The following SLC25A21 variants were observed in gnomAD, a reference collection of about 807,000 sequenced individuals.
SLC25A21 encodes the protein mitochondrial 2-oxodicarboxylate carrier.
A neutral mutation model predicts 43.8 loss-of-function variants in SLC25A21; 47 were observed. The ratio of observed to expected loss-of-function variants is 1.07; its 90% CI spans 0.85 to 1.37. The LOEUF (loss-of-function observed/expected upper bound fraction) is 1.37. Ranked by LOEUF, SLC25A21 falls within the 40% of genes most tolerant of loss-of-function variation. The pLI, the probability that SLC25A21 is intolerant of heterozygous loss-of-function variation, is 0.00. For missense variants in SLC25A21, 352 were observed against 350.2 expected (o/e 1.00, Z -0.04); for synonymous variants, 131 against 121.3 (o/e 1.08, Z -0.52).
intron 6 of SLC25A21, among the ~76,000 whole-genome samples, chr14:36,723,709 C>A (rs1403949748): frequency 6.6e-6 from 1 of 152,180 alleles, no homozygotes; most frequent in Admixed American, 6.5e-5. Context: ...CTTACTTGGC[C>A]TCAGTGCAGA....
chr14:37,103,229 G>T (rs901642957), intron 1 of SLC25A21, among the ~76,000 whole-genome samples: 2 of 152,120 alleles, frequency 1.3e-5, no homozygotes, highest in East Asian at 1.9e-4. Context: ...GCAGAGAAAA[G>T]ATTTGCATAT....
chr14:37,076,242 C>T (rs1050470408), intron 1 of SLC25A21, among the ~76,000 whole-genome samples: 2 of 151,998 alleles, frequency 1.3e-5, no homozygotes, highest in East Asian at 3.9e-4. Context: ...CTCACTGCAA[C>T]CTCCACGTTC....
At chr14:36,942,429 G>A (rs1892585031) in intron 1 of SLC25A21, among the ~76,000 whole-genome samples, 1 of 152,166 alleles carries the variant, frequency 6.6e-6, no homozygotes, top group South Asian at 2.1e-4. Context: ...ACGGCGGTAG[G>A]ACAGTTGTCT....
At chr14:36,871,321 C>G (rs994999387) in intron 2 of SLC25A21, among the ~76,000 whole-genome samples, 1 of 152,100 alleles carries the variant, frequency 6.6e-6, no homozygotes, top group Non-Finnish European at 1.5e-5. Flanking sequence ...GGAAACAGGC[C>G]GTTACCAGAC....
At chr14:36,977,523 C>T (rs1477841158) in intron 1 of SLC25A21, among the ~76,000 whole-genome samples, 1 of 152,148 alleles carries the variant, frequency 6.6e-6, no homozygotes, top group Non-Finnish European at 1.5e-5. Context: ...GGAATCACTG[C>T]CATGGCCTCC....
rs1264677510 is a variant in SLC25A21 at position 37,127,368 on chromosome 14, T to C, written c.70+44913A>G. On this transcript the variant is annotated intron_variant, in intron 1 of 9. Coordinates refer to ENST00000331299, the MANE Select transcript of SLC25A21 (RefSeq NM_030631.4). The stretch of plus-strand genomic sequence containing the variant: ...ATCAGCTGCCTCTACGAAAAGATGA[T>C]AGATACCTATGCAGGTACCTACCAT... 3.3e-5 allele frequency among the ~76,000 whole-genome samples: 5 copies of C among 152,218 alleles called. No individual in the cohort carries two copies. The East Asian group carries it at 5.8e-4, about 18-fold the overall frequency.
intron 2 of SLC25A21, among the ~76,000 whole-genome samples, chr14:36,816,686 T>C (rs1888467915): frequency 6.6e-6 from 1 of 151,990 alleles, no homozygotes; most frequent in African/African-American, 2.4e-5. Context: ...TTTTTTTCTG[T>C]AGAGGTGGCG....
chr14:36,701,381 G>C (rs1442944417), intron 7 of SLC25A21, among the ~76,000 whole-genome samples: 1 of 152,162 alleles, frequency 6.6e-6, no homozygotes, highest in African/African-American at 2.4e-5. Flanking sequence ...AAGGAATGTG[G>C]AGTATTCCTA....
chr14:36,901,709 T>A lies in SLC25A21; in HGVS notation c.71-26705A>T, dbSNP rs571142079. On this transcript the variant is annotated intron_variant, in intron 1 of 9. Transcript: ENST00000331299. Reference sequence around the variant, plus strand: ...ATTTGCAGTACTTAAACTGAATCCATAATATAGAATTCTGCTTTAAAACCT... The same window carrying A: ...ATTTGCAGTACTTAAACTGAATCCAAAATATAGAATTCTGCTTTAAAACCT... Among the ~76,000 whole-genome samples the A allele has an allele frequency of 2.6e-4, 40 of 152,296 alleles. 1 individual carries two copies. The highest frequency in any genetic ancestry group is 1.9e-3 in the South Asian group (9 of 4,830).
chr14:36,997,427 A>C (rs1960395345), intron 1 of SLC25A21, among the ~76,000 whole-genome samples: 1 of 152,194 alleles, frequency 6.6e-6, no homozygotes, highest in African/African-American at 2.4e-5. Flanking sequence ...GGGCAGCTGA[A>C]TGTGGCAATA....
chr14:36,741,918 A>G (rs547203754), intron 3 of SLC25A21, among the ~76,000 whole-genome samples: 6 of 152,358 alleles, frequency 3.9e-5, no homozygotes, highest in African/African-American at 1.4e-4. Flanking sequence ...TTCAACAGCC[A>G]GAACCCAAAT....
chr14:36,872,156 T>C (rs1313716349), intron 2 of SLC25A21, among the ~76,000 whole-genome samples: 1 of 152,186 alleles, frequency 6.6e-6, no homozygotes, highest in African/African-American at 2.4e-5. Flanking sequence ...TATTATTACT[T>C]AAGGAGAAGT....
intron 1 of SLC25A21, among the ~76,000 whole-genome samples, chr14:36,928,700 C>T (rs932530912): frequency 1.3e-5 from 2 of 152,100 alleles, no homozygotes; most frequent in African/African-American, 2.4e-5. Flanking sequence ...CTCAGCTAAA[C>T]GTTTTCAAAT....
intron 1 of SLC25A21, among the ~76,000 whole-genome samples, chr14:37,161,261 G>A (rs12883794): frequency 0.39 from 59,959 of 151,896 alleles, 12,724 homozygotes; most frequent in African/African-American, 0.56. Context: ...TCAGTGACGT[G>A]AAATTCTGCA....
chr14:37,034,380 G>C (rs546695012), intron 1 of SLC25A21, among the ~76,000 whole-genome samples: 2 of 152,080 alleles, frequency 1.3e-5, no homozygotes, highest in Non-Finnish European at 2.9e-5. Flanking sequence ...TTGGATGATC[G>C]TTCTCTGTCT....
At chr14:37,126,189 T>C (rs1195740210) in intron 1 of SLC25A21, among the ~76,000 whole-genome samples, 2 of 152,260 alleles carry the variant, frequency 1.3e-5, no homozygotes, top group African/African-American at 4.8e-5. Flanking sequence ...AGCTTTGTCA[T>C]AAACAAGGAC....
chr14:37,081,453 A>G (rs1477367702), intron 1 of SLC25A21, among the ~76,000 whole-genome samples: 1 of 152,166 alleles, frequency 6.6e-6, no homozygotes, highest in Admixed American at 6.5e-5. Context: ...CACTCAATAC[A>G]CTTACAGTGA....
chr14:36,796,383 T>G (rs1338465665), intron 3 of SLC25A21, among the ~76,000 whole-genome samples: 5 of 100,282 alleles, frequency 5.0e-5, no homozygotes, highest in Non-Finnish European at 8.7e-5. Context: ...ATTTCTCTCT[T>G]TCTCTTTCTT....
At chr14:37,001,270 T>C (rs944378251) in intron 1 of SLC25A21, among the ~76,000 whole-genome samples, 2 of 152,212 alleles carry the variant, frequency 1.3e-5, no homozygotes, top group Admixed American at 1.3e-4. Context: ...AGTGAATTAC[T>C]AGCACTTGTC....
Sources: gnomAD v4.1 joint callset for allele counts (sites outside exome capture counted in the v4.1 genomes callset) on GRCh38, gnomAD v4.1.1 for gene constraint, MANE v1.5 for transcripts, NCBI Gene and HGNC (gene_info 2026-07-23, HGNC 2026-07-21) for gene names.